CHODL: variants seen among roughly 807,000 people sequenced by gnomAD.
CHODL encodes the protein chondrolectin.
In CHODL, 29 loss-of-function variants were observed where a neutral mutation model predicts 34.5. The observed-to-expected ratio is 0.84, with a 90% CI of 0.63 to 1.15. The LOEUF is 1.15. Among genes scored for constraint, CHODL ranks in the 50% most tolerant of loss-of-function variants. The pLI is 0.00. For missense variants in CHODL, 332 were observed against 332.5 expected, an observed-to-expected ratio of 1.00 and a Z score of 0.01; for synonymous variants, 125 against 116.1, an observed-to-expected ratio of 1.08 and a Z score of -0.49.
At chr21:18,139,821 T>C (rs2072780252) in intron 2 of CHODL, among the ~76,000 whole-genome samples, 1 of 152,176 alleles carries the variant, frequency 6.6e-6, no homozygotes, top group Non-Finnish European at 1.5e-5. Context: ...AACTAATTTT[T>C]AGAAAGAGTA....
chr21:18,026,133 A>G (rs1016649422), intron 1 of CHODL, among the ~76,000 whole-genome samples: 9 of 152,250 alleles, frequency 5.9e-5, no homozygotes, highest in South Asian at 2.1e-4. Flanking sequence ...CATAATAGAC[A>G]TGAAATTAGT....
intron 2 of CHODL, among the ~76,000 whole-genome samples, chr21:18,048,234 C>T (rs1036595900): frequency 2.0e-5 from 3 of 151,834 alleles, no homozygotes; most frequent in South Asian, 2.1e-4. Flanking sequence ...TCATTTGTTT[C>T]CCTAAAACTT....
chr21:17,945,646 AG>A (rs1308690798), intron 1 of CHODL, among the ~76,000 whole-genome samples: 1 of 152,198 alleles, frequency 6.6e-6, no homozygotes, highest in African/African-American at 2.4e-5. Context: ...CAGGAATTCC[AG>A]AAGGAGAACA....
intron 1 of CHODL, among the ~76,000 whole-genome samples, chr21:18,006,946 A>C (rs1478759199): frequency 6.6e-6 from 1 of 152,206 alleles, no homozygotes; most frequent in East Asian, 1.9e-4. Context: ...TGCAGATGCA[A>C]CTGTGAGCCT....
chr21:17,977,577 G>A (rs1417638242), intron 1 of CHODL, among the ~76,000 whole-genome samples: 37 of 150,336 alleles, frequency 2.5e-4, no homozygotes, highest in Non-Finnish European at 5.2e-4. Context: ...GGCCAGGATG[G>A]TCTCGATCTC....
intron 2 of CHODL, among the ~76,000 whole-genome samples, chr21:18,128,052 G>A (rs1273264855): frequency 1.3e-5 from 2 of 151,784 alleles, no homozygotes; most frequent in East Asian, 3.9e-4. Flanking sequence ...TGTAATCCCA[G>A]CATTTTGGGA....
At chr21:18,235,758 A>C (rs975416068) in intron 2 of CHODL, among the ~76,000 whole-genome samples, 1 of 152,180 alleles carries the variant, frequency 6.6e-6, no homozygotes, top group Non-Finnish European at 1.5e-5. Context: ...AACCTGGAAC[A>C]GCAATTGGAA....
chr21:18,171,641 C>T (rs2146660197), intron 2 of CHODL, among the ~76,000 whole-genome samples: 1 of 152,062 alleles, frequency 6.6e-6, no homozygotes, highest in South Asian at 2.1e-4. Flanking sequence ...CGTCCTATTT[C>T]TTTGCATGTC....
At chr21:18,188,584 C>T (rs1195399226) in intron 2 of CHODL, among the ~76,000 whole-genome samples, 1 of 152,198 alleles carries the variant, frequency 6.6e-6, no homozygotes, top group Non-Finnish European at 1.5e-5. Flanking sequence ...TGGGATGTTT[C>T]CCACCATCAG....
At position 18,245,315 on chromosome 21, in the gene CHODL, C is replaced by G; in HGVS notation, c.79+13C>G. The stretch of plus-strand genomic sequence containing the variant: ...CGCGTGGTCAGCGGTGAGTCAGGGG[C>G]CGTCTCCCCGAAGAACGAGCGGGGA... On this transcript the variant is annotated intron_variant, in intron 1 of 5. Coordinates refer to ENST00000299295, the MANE Select transcript of CHODL (RefSeq NM_024944.3). 6.6e-7 allele frequency: 1 copy of G among 1,515,084 alleles called. No homozygotes were observed. Among genetic ancestry groups the G allele is most frequent in the Non-Finnish European group, 8.8e-7 (1 of 1,136,988 alleles). The allele number at this position is 1,515,084 out of a possible 1,614,324, so 93.9% of individuals were successfully genotyped here.
At chr21:18,202,403 T>G (rs1410523649) in intron 2 of CHODL, among the ~76,000 whole-genome samples, 1 of 152,134 alleles carries the variant, frequency 6.6e-6, no homozygotes, top group Non-Finnish European at 1.5e-5. Flanking sequence ...CTCAATAGAA[T>G]TAGTTTCCTT....
intron 2 of CHODL, among the ~76,000 whole-genome samples, chr21:18,194,170 T>C (rs769588125): frequency 6.6e-6 from 1 of 152,220 alleles, no homozygotes; most frequent in Non-Finnish European, 1.5e-5. Flanking sequence ...ATCTTCTCTG[T>C]AAAGAAACTG....
At position 18,103,219 on chromosome 21, in the gene CHODL, A is replaced by G. The variant is rs138742595; in HGVS notation, c.-45+75248A>G. 3.5e-3 allele frequency among the ~76,000 whole-genome samples: 536 copies of G among 152,264 alleles called. 6 individuals are homozygous for G. Among genetic ancestry groups the G allele is most frequent in the African/African-American group, 0.013 (523 of 41,574 alleles). ...ATGAGAAAATGTGAAATCTTTTTAA[A>G]CTATGTTTTTCTACAAAAATGAGAT... On this transcript the variant is annotated intron_variant, in intron 2 of 6. Coordinates refer to the CHODL transcript ENST00000400127.
chr21:17,942,668 G>A (rs1169531568), intron 1 of CHODL, among the ~76,000 whole-genome samples: 1 of 152,154 alleles, frequency 6.6e-6, no homozygotes, highest in Non-Finnish European at 1.5e-5. Flanking sequence ...AAATTTAAAG[G>A]TTAATGTGGT....
chr21:17,970,405 T>TA (rs1243324175), intron 1 of CHODL, among the ~76,000 whole-genome samples: 4 of 152,148 alleles, frequency 2.6e-5, no homozygotes, highest in South Asian at 4.1e-4. Flanking sequence ...CCTCAACACT[T>TA]ACTGTAATAA....
At chr21:17,995,720 C>T (rs1232212053) in intron 1 of CHODL, among the ~76,000 whole-genome samples, 1 of 152,194 alleles carries the variant, frequency 6.6e-6, no homozygotes, top group Non-Finnish European at 1.5e-5. Context: ...GTACCTACAT[C>T]TTTAGGTCAC....
chr21:18,011,840 C>T (rs2064022482), intron 1 of CHODL, among the ~76,000 whole-genome samples: 1 of 152,200 alleles, frequency 6.6e-6, no homozygotes, highest in Non-Finnish European at 1.5e-5. Flanking sequence ...TTTGCAGACT[C>T]CACAGATGTT....
chr21:17,992,744 C>T (rs111889106), intron 1 of CHODL, among the ~76,000 whole-genome samples: 574 of 6,262 alleles, frequency 0.092, 48 homozygotes, highest in South Asian at 0.1. Flanking sequence ...TTTTTTTTTT[C>T]CAGACAGAGT....
chr21:18,103,649 A>G (rs1601007522), intron 2 of CHODL, among the ~76,000 whole-genome samples: 1 of 152,002 alleles, frequency 6.6e-6, no homozygotes, highest in Non-Finnish European at 1.5e-5. Flanking sequence ...ATGTGTCTGG[A>G]GCCATGGTGG....
Sources: allele counts gnomAD v4.1 joint callset (sites outside exome capture counted in the v4.1 genomes callset), GRCh38; gene constraint gnomAD v4.1.1; transcripts MANE v1.5; gene names NCBI Gene and HGNC (gene_info 2026-07-23, HGNC 2026-07-21).